Variants in MRE11 observed in about 807,000 individuals in gnomAD.
The protein encoded by MRE11 is double-strand break repair protein MRE11.
Under a neutral mutation model 91.7 loss-of-function variants are expected in MRE11, and 62 were observed. The observed-to-expected ratio is 0.68, with a 90% CI of 0.55 to 0.84. The LOEUF (loss-of-function observed/expected upper bound fraction) is 0.84, where lower values mean the gene tolerates loss of function less well. MRE11 is among the 40% of genes least tolerant of loss of function. The pLI is 0.00. For synonymous variants in MRE11, 273 were observed against 271.4 expected (o/e 1.01, Z -0.06); for missense variants, 796 against 852.9 (o/e 0.93, Z 0.83).
chr11:94,422,280 C>T (rs581002), intron 19 of MRE11, among the ~76,000 whole-genome samples: 36,752 of 151,942 alleles, frequency 0.24, 4,568 homozygotes, highest in East Asian at 0.32. Flanking sequence ...CTTCCTCCTC[C>T]TCCTCATTCA....
chr11:94,421,010 C>T (rs1358584843), intron 19 of MRE11, among the ~76,000 whole-genome samples: 2 of 149,478 alleles, frequency 1.3e-5, no homozygotes, highest in Admixed American at 6.7e-5. Flanking sequence ...CCAGCCTCGG[C>T]GACAGAGCGA....
rs1383092682 is a variant in MRE11, at chr11:94,476,282, GT to G, written c.659+6del. On this transcript the variant is annotated splice_donor_region_variant and intron_variant, in intron 7 of 19. Coordinates refer to ENST00000323929, the MANE Select transcript of MRE11 (RefSeq NM_005591.4). ...TTGGCTCAAACTTTTTCAGAGAAAA[GT>G]TTTACCTGTTCTGATGAATCACAAA... The G allele has an allele frequency of 1.3e-6, 2 of 1,594,618 alleles. No individual in the cohort carries two copies. The highest frequency in any genetic ancestry group is 1.7e-6 in the Non-Finnish European group (2 of 1,162,622).
At chr11:94,476,605 T>C (rs886100697) in intron 6 of MRE11, among the ~76,000 whole-genome samples, 3 of 152,082 alleles carry the variant, frequency 2.0e-5, no homozygotes, top group African/African-American at 7.2e-5. Context: ...AGGGTCTTGC[T>C]ATGTTGTCCA....
At position 94,445,909 on chromosome 11, in the gene MRE11, ACAGT is replaced by A. The variant is rs759689556; in HGVS notation, c.1784-20_1784-17del. 2 of 1,587,538 alleles carry A rather than the reference ACAGT, an allele frequency of 1.3e-6. No homozygotes were observed. Among genetic ancestry groups the A allele is most frequent in the South Asian group, 1.1e-5 (1 of 90,584 alleles). On this transcript the variant is annotated splice_polypyrimidine_tract_variant and intron_variant, in intron 15 of 19. Coordinates refer to ENST00000323929, the MANE Select transcript of MRE11 (RefSeq NM_005591.4). ...CCAGTGTCTGCTGTTAGAAAAATGA[ACAGT>A]CAATGTACAAGCCTATCAGCAGCTA...
At chr11:94,432,349 ATT>A (rs536791106) in intron 18 of MRE11, among the ~76,000 whole-genome samples, 553 of 152,222 alleles carry the variant, frequency 3.6e-3, no homozygotes, top group Non-Finnish European at 6.4e-3. Flanking sequence ...TCATGTCTTT[ATT>A]GTTTTTTTCT....
In MRE11 at chr11:94,485,992, A is replaced by G. The variant is rs1591719043; in HGVS notation, c.246T>C (p.Tyr82=). 1.9e-6 allele frequency: 3 copies of G among 1,613,784 alleles called. No homozygotes were observed. The highest frequency in any genetic ancestry group is 1.3e-5 in the African/African-American group (1 of 74,880). ...ACTGGACAGGCCGATCACCCATACA[A>G]TATTTTCTTAATAACTCGAGGCAGG... The part of the protein sequence containing the change: ...LHTCLELLRK[Y]CMGDRPVQFE... Residue 82 remains tyrosine (Y), a synonymous_variant, in exon 4 of 20, where the codon TAT becomes TAC. Coordinates refer to ENST00000323929, the MANE Select transcript of MRE11 (RefSeq NM_005591.4).
chr11:94,465,397 T>C (rs867532198), intron 10 of MRE11, among the ~76,000 whole-genome samples: 62 of 139,628 alleles, frequency 4.4e-4, no homozygotes, highest in African/African-American at 1.5e-3. Context: ...CTCTCTCTCT[T>C]TTTTTTTTTT....
chr11:94,501,764 A>C, the MRE11 span, among the ~76,000 whole-genome samples: 61 of 152,214 alleles, frequency 4.0e-4, 1 homozygote, highest in South Asian at 0.012. Context: ...TTGGGCAAAA[A>C]AAAAAACCCC....
At chr11:94,477,376 A>C (rs898517376) in intron 6 of MRE11, among the ~76,000 whole-genome samples, 5 of 152,232 alleles carry the variant, frequency 3.3e-5, no homozygotes, top group Non-Finnish European at 7.3e-5. Flanking sequence ...TAGTGAAAGA[A>C]ACTAACAAAA....
intron 2 of MRE11, 156 bp downstream of exon 2, chr11:94,492,626 A>T: frequency 7.7e-7 from 1 of 1,292,424 alleles, no homozygotes; most frequent in Non-Finnish European, 1.1e-6. Context: ...ATAAATATTT[A>T]AAACATTCCA....
At chr11:94,478,912 T>C (rs1466015354) in intron 5 of MRE11, 36 bp from the exon 6 acceptor site, 17 of 1,608,582 alleles carry the variant, frequency 1.1e-5, no homozygotes, top group Non-Finnish European at 1.4e-5. Context: ...TTAGTGTGTA[T>C]GTAAAAGTAG....
chr11:94,451,994 TA>T, intron 14 of MRE11, among the ~76,000 whole-genome samples: 1 of 151,518 alleles, frequency 6.6e-6, no homozygotes, highest in South Asian at 2.1e-4. Context: ...TCACCTAAGG[TA>T]AGGAGTTTGA....
At chr11:94,501,161 G>C in the MRE11 span, among the ~76,000 whole-genome samples, 4 of 152,170 alleles carry the variant, frequency 2.6e-5, no homozygotes, top group Non-Finnish European at 5.9e-5. Flanking sequence ...TCAGAAGAGA[G>C]TAAACCAAGA....
chr11:94,491,083 T>G, intron 2 of MRE11, 118 bp from the exon 3 acceptor site: 1 of 716,464 alleles, frequency 1.4e-6, no homozygotes. Flanking sequence ...ATCATTTTTT[T>G]TAGCCTTAGA....
chr11:94,438,121 C>T (rs982904081), intron 16 of MRE11, among the ~76,000 whole-genome samples: 1 of 151,806 alleles, frequency 6.6e-6, no homozygotes, highest in African/African-American at 2.4e-5. Context: ...GAGCGAAACT[C>T]CGTCTCAAAA....
chr11:94,497,185 C>A, upstream of MRE11: 1 of 583,944 alleles, frequency 1.7e-6, no homozygotes, highest in Non-Finnish European at 3.0e-6. Context: ...ATTTTAAAAT[C>A]ATTTATATAA....
At position 94,479,684 on chromosome 11, in the gene MRE11, T is replaced by G. The variant is rs1298935364; in HGVS notation, c.392A>C (p.Asp131Ala). 1 of 1,612,268 alleles carries G rather than the reference T, an allele frequency of 6.2e-7. No homozygotes were observed. Residue 131 changes from aspartate (D) to alanine (A), a missense_variant, in exon 5 of 20, where the codon GAT becomes GCT. Coordinates refer to ENST00000323929, the MANE Select transcript of MRE11 (RefSeq NM_005591.4). ...PVFSIHGNHDDPTGADALCAL... is the reference protein window; with the variant it reads ...PVFSIHGNHDAPTGADALCAL... ...GAAAACAATAATTACCCCTGTGGGA[T>G]CGTCATGATTGCCATGAATACTAAA...
intron 14 of MRE11, among the ~76,000 whole-genome samples, chr11:94,452,510 T>C (rs1169374886): frequency 6.6e-6 from 1 of 152,198 alleles, no homozygotes; most frequent in African/African-American, 2.4e-5. Context: ...TGGCAGTATG[T>C]AGCAAAATTT....
At chr11:94,475,847 T>G (rs983334087) in intron 7 of MRE11, among the ~76,000 whole-genome samples, 1 of 152,184 alleles carries the variant, frequency 6.6e-6, no homozygotes, top group African/African-American at 2.4e-5. Context: ...AAAATGGATC[T>G]CAGTAATGTA....
Sources: gnomAD v4.1 joint callset for allele counts (sites outside exome capture counted in the v4.1 genomes callset) on GRCh38, gnomAD v4.1.1 for gene constraint, MANE v1.5 for transcripts, NCBI Gene and HGNC (gene_info 2026-07-23, HGNC 2026-07-21) for gene names.